Variants in GABRB1 observed in about 807,000 individuals in gnomAD.
The protein encoded by GABRB1 is gamma-aminobutyric acid type A receptor subunit beta1.
Under a neutral mutation model 51.6 loss-of-function variants are expected in GABRB1, and 17 were observed. That is an observed-to-expected ratio of 0.33 (90% CI 0.23 to 0.49). The LOEUF (loss-of-function observed/expected upper bound fraction) is 0.49, where lower values mean the gene tolerates loss of function less well. GABRB1 is among the 20% of genes least tolerant of loss of function. GABRB1 has a pLI of 0.99. For synonymous variants in GABRB1, 247 were observed against 218.9 expected (o/e 1.13, Z -1.14); for missense variants, 410 against 600.6 (o/e 0.68, Z 3.32).
At chr4:47,046,529 T>C (rs1396562577) in intron 3 of GABRB1, among the ~76,000 whole-genome samples, 1 of 152,004 alleles carries the variant, frequency 6.6e-6, no homozygotes, top group Non-Finnish European at 1.5e-5. Context: ...CTACCTGAAG[T>C]CATAATTGAC....
upstream of GABRB1, chr4:47,031,266 C>A (rs895326647): frequency 1.0e-5 from 2 of 198,450 alleles, no homozygotes; most frequent in Non-Finnish European, 2.1e-5. Context: ...ACGAAAGATG[C>A]CAATCACAGG....
At chr4:47,187,319 T>C (rs1344725237) in intron 4 of GABRB1, among the ~76,000 whole-genome samples, 1 of 151,870 alleles carries the variant, frequency 6.6e-6, no homozygotes, top group Non-Finnish European at 1.5e-5. Flanking sequence ...ATACATACCT[T>C]AGGGATGATT....
At chr4:47,093,899 G>C (rs1261262831) in intron 3 of GABRB1, among the ~76,000 whole-genome samples, 1 of 152,022 alleles carries the variant, frequency 6.6e-6, no homozygotes, top group Non-Finnish European at 1.5e-5. Flanking sequence ...TCTTTGTATA[G>C]ACTTATCCCA....
intron 4 of GABRB1, among the ~76,000 whole-genome samples, chr4:47,305,165 T>C (rs1401214192): frequency 6.6e-6 from 1 of 152,066 alleles, no homozygotes; most frequent in Non-Finnish European, 1.5e-5. Flanking sequence ...TTTAGCCGCC[T>C]CTCTCTCAAG....
upstream of GABRB1, among the ~76,000 whole-genome samples, chr4:47,030,261 C>A (rs1246387863): frequency 6.6e-6 from 1 of 152,096 alleles, no homozygotes; most frequent in Non-Finnish European, 1.5e-5. Context: ...TTCCTAGGTA[C>A]ATTAGAATTT....
chr4:47,111,304 A>G (rs901016263), intron 3 of GABRB1, among the ~76,000 whole-genome samples: 1 of 152,222 alleles, frequency 6.6e-6, no homozygotes, highest in East Asian at 1.9e-4. Context: ...TTTGTGTCCA[A>G]CTAAGGAATG....
chr4:47,190,335 C>G (rs1719389953), intron 4 of GABRB1, among the ~76,000 whole-genome samples: 1 of 152,122 alleles, frequency 6.6e-6, no homozygotes, highest in South Asian at 2.1e-4. Flanking sequence ...CCAACTCTAT[C>G]TAAAGTCATT....
intron 4 of GABRB1, among the ~76,000 whole-genome samples, chr4:47,318,391 A>C (rs1259615813): frequency 6.6e-6 from 1 of 151,982 alleles, no homozygotes; most frequent in Non-Finnish European, 1.5e-5. Flanking sequence ...CGTTATACAT[A>C]AAAGCATATC....
chr4:47,070,975 A>G (rs1198847406), intron 3 of GABRB1, among the ~76,000 whole-genome samples: 2 of 152,164 alleles, frequency 1.3e-5, no homozygotes, highest in African/African-American at 2.4e-5. Flanking sequence ...AACATATCCA[A>G]ACAAAATCCT....
chr4:47,333,421 A>G (rs915689219), intron 5 of GABRB1, among the ~76,000 whole-genome samples: 7 of 152,056 alleles, frequency 4.6e-5, no homozygotes, highest in Admixed American at 3.3e-4. Context: ...CGGTTTTTAC[A>G]ATAGCTTCTC....
chr4:47,077,970 T>TATATATA (rs1727645050), intron 3 of GABRB1, among the ~76,000 whole-genome samples: 1 of 101,074 alleles, frequency 9.9e-6, no homozygotes, highest in Non-Finnish European at 1.9e-5. Flanking sequence ...ATATATATAT[T>TATATATA]TTATATATAA....
At chr4:47,342,915 G>A (rs1311750028) in intron 5 of GABRB1, among the ~76,000 whole-genome samples, 1 of 151,992 alleles carries the variant, frequency 6.6e-6, no homozygotes, top group Non-Finnish European at 1.5e-5. Flanking sequence ...CATTATTTAT[G>A]GCACTATGGA....
intron 4 of GABRB1, among the ~76,000 whole-genome samples, chr4:47,175,981 C>T (rs1393389727): frequency 6.6e-6 from 1 of 152,036 alleles, no homozygotes; most frequent in East Asian, 1.9e-4. Flanking sequence ...CATTTTTAGT[C>T]AAAAATTAGG....
At chr4:47,407,020 A>C in intron 8 of GABRB1, 94 bp downstream of exon 8, 2 of 1,209,670 alleles carry the variant, frequency 1.7e-6, no homozygotes, top group African/African-American at 3.1e-5. Flanking sequence ...TTAATAAAAA[A>C]ATAGTTGATA....
intron 8 of GABRB1, among the ~76,000 whole-genome samples, chr4:47,419,236 T>C (rs967447499): frequency 6.6e-6 from 1 of 152,216 alleles, no homozygotes; most frequent in Non-Finnish European, 1.5e-5. Context: ...AGCAGTGCAC[T>C]GGAGGAAGGA....
intron 1 of GABRB1, among the ~76,000 whole-genome samples, chr4:47,018,983 C>T (rs1724831169): frequency 6.6e-6 from 1 of 152,126 alleles, no homozygotes. Context: ...ACTGCACATG[C>T]ATCACTAGCT....
chr4:47,150,834 G>A (rs1004425857), intron 3 of GABRB1, among the ~76,000 whole-genome samples: 35 of 151,960 alleles, frequency 2.3e-4, no homozygotes, highest in Admixed American at 9.9e-4. Context: ...TGATTAAAAA[G>A]TATTATATAT....
intron 4 of GABRB1, among the ~76,000 whole-genome samples, chr4:47,211,008 C>A (rs938121438): frequency 1.3e-5 from 2 of 152,108 alleles, no homozygotes; most frequent in African/African-American, 2.4e-5. Flanking sequence ...AGTTCTATTC[C>A]CTAGAGGCAG....
At chr4:47,034,144 A>T (rs1484360137) in intron 3 of GABRB1, among the ~76,000 whole-genome samples, 1 of 152,216 alleles carries the variant, frequency 6.6e-6, no homozygotes, top group Non-Finnish European at 1.5e-5. Context: ...AAAATAGAAG[A>T]TTTAAAAAGC....
Sources: gnomAD v4.1 joint callset for allele counts (sites outside exome capture counted in the v4.1 genomes callset) on GRCh38, gnomAD v4.1.1 for gene constraint, MANE v1.5 for transcripts, NCBI Gene and HGNC (gene_info 2026-07-23, HGNC 2026-07-21) for gene names.